Variants in SLC7A14 observed in about 807,000 individuals in gnomAD.
The protein encoded by SLC7A14 is gamma-aminobutyric acid transporter SLC7A14.
In SLC7A14, 37 loss-of-function variants were observed where a neutral mutation model predicts 60.2. That is an observed-to-expected ratio of 0.61 (90% confidence interval 0.47 to 0.81). SLC7A14 has a LOEUF of 0.81. Among genes scored for constraint, SLC7A14 ranks in the 30% least tolerant of loss-of-function variants. SLC7A14 has a pLI of 0.00. For missense variants in SLC7A14, 886 were observed against 982.7 expected (o/e 0.90, Z 1.32); for synonymous variants, 399 against 395.8 (o/e 1.01, Z -0.10).
chr3:170,553,854 T>C (rs1195632273), intron 1 of SLC7A14, among the ~76,000 whole-genome samples: 1 of 152,186 alleles, frequency 6.6e-6, no homozygotes, highest in African/African-American at 2.4e-5. Flanking sequence ...AAAAACTTTT[T>C]TTTTTTTTGG....
chr3:170,571,820 G>C (rs1462016228), intron 1 of SLC7A14, among the ~76,000 whole-genome samples: 1 of 152,068 alleles, frequency 6.6e-6, no homozygotes, highest in Non-Finnish European at 1.5e-5. Context: ...CAGCACTTTG[G>C]GAGGCCAAGG....
intron 2 of SLC7A14, among the ~76,000 whole-genome samples, chr3:170,510,948 C>T (rs1036125331): frequency 2.6e-5 from 4 of 152,202 alleles, no homozygotes; most frequent in Admixed American, 6.5e-5. Flanking sequence ...AATGCCGAGG[C>T]CAGCATCAGC....
At chr3:170,560,611 GA>G (rs1166772728) in intron 1 of SLC7A14, among the ~76,000 whole-genome samples, 7 of 152,118 alleles carry the variant, frequency 4.6e-5, no homozygotes, top group Non-Finnish European at 7.4e-5. Context: ...CGGATGCACA[GA>G]AAAAATAAGC....
At chr3:170,507,483 G>C (rs924783224) in intron 2 of SLC7A14, among the ~76,000 whole-genome samples, 1 of 152,160 alleles carries the variant, frequency 6.6e-6, no homozygotes, top group East Asian at 1.9e-4. Context: ...CTGGGGGAGG[G>C]AGCCTTTTAA....
At chr3:170,540,240 G>A (rs1005128795) in intron 1 of SLC7A14, among the ~76,000 whole-genome samples, 2 of 152,088 alleles carry the variant, frequency 1.3e-5, no homozygotes, top group African/African-American at 2.4e-5. Context: ...ATGACCATGC[G>A]TAACTGAAAC....
intron 1 of SLC7A14, among the ~76,000 whole-genome samples, chr3:170,584,207 G>A (rs566049706): frequency 6.6e-6 from 1 of 152,186 alleles, no homozygotes; most frequent in East Asian, 1.9e-4. Flanking sequence ...TAATATAAAA[G>A]ACTAGCTAAA....
At position 170,480,696 on chromosome 3, in the gene SLC7A14, T is replaced by A; in HGVS notation, c.1586A>T (p.Tyr529Phe). ...GIEADESENI[Y>F]LIKLKKLIGP... ...AATCAGCTTCTTTAACTTGATGAGA[T>A]AAATATTTTCGGATTCATCAGCTTC... Residue 529 changes from tyrosine to phenylalanine, a missense_variant, in exon 7 of 8, where the codon TAT (tyrosine) becomes TTT (phenylalanine). Coordinates refer to ENST00000231706, the MANE Select transcript of SLC7A14 (RefSeq NM_020949.3). 1 of 1,614,226 alleles carries A rather than the reference T, an allele frequency of 6.2e-7. No individual in the cohort carries two copies. Among genetic ancestry groups the A allele is most frequent in the Non-Finnish European group, 8.5e-7 (1 of 1,180,040 alleles).
chr3:170,512,056 C>T (rs578070061), intron 2 of SLC7A14, among the ~76,000 whole-genome samples: 10 of 152,242 alleles, frequency 6.6e-5, no homozygotes, highest in South Asian at 2.1e-4. Context: ...CTCTCCTACC[C>T]GAATATTTCT....
intron 1 of SLC7A14, among the ~76,000 whole-genome samples, chr3:170,531,223 C>A (rs967851141): frequency 1.3e-5 from 2 of 152,090 alleles, no homozygotes; most frequent in African/African-American, 4.8e-5. Flanking sequence ...CAGGAGGCCA[C>A]TACTCTGACA....
rs1712604168 is a variant in SLC7A14 at position 170,501,365 on chromosome 3, A to G, written c.305-20T>C. The G allele has an allele frequency of 6.2e-7, 1 of 1,604,350 alleles. No homozygotes were observed. The highest frequency in any genetic ancestry group is 1.1e-5 in the South Asian group (1 of 90,834). On this transcript the variant is annotated intron_variant, in intron 2 of 7. Transcript: ENST00000231706. ...AGACGCCTGCAAGGGACAGACATAC[A>G]CAGATGGTGGACTTCAGGAGATGAG...
chr3:170,579,178 A>T (rs950594728), intron 1 of SLC7A14, among the ~76,000 whole-genome samples: 2 of 152,214 alleles, frequency 1.3e-5, no homozygotes, highest in Non-Finnish European at 2.9e-5. Context: ...GGGTTCTATA[A>T]TTGCCTGAGA....
intron 2 of SLC7A14, among the ~76,000 whole-genome samples, chr3:170,509,575 C>T (rs901980972): frequency 4.6e-5 from 7 of 151,844 alleles, no homozygotes; most frequent in East Asian, 1.9e-4. Flanking sequence ...TTTGGGAGGC[C>T]GAGGCAGGCA....
intron 1 of SLC7A14, among the ~76,000 whole-genome samples, chr3:170,547,084 G>A (rs1234178834): frequency 6.6e-6 from 1 of 152,050 alleles, no homozygotes; most frequent in Admixed American, 6.5e-5. Flanking sequence ...GGTCTACCTG[G>A]ATGGAGATGT....
At chr3:170,504,566 C>T (rs1240226036) in intron 2 of SLC7A14, among the ~76,000 whole-genome samples, 1 of 152,114 alleles carries the variant, frequency 6.6e-6, no homozygotes, top group Admixed American at 6.5e-5. Flanking sequence ...AGTGATCCTC[C>T]TGCTTCAGCC....
intron 2 of SLC7A14, among the ~76,000 whole-genome samples, chr3:170,515,343 T>C (rs1713123381): frequency 6.7e-6 from 1 of 150,236 alleles, no homozygotes; most frequent in African/African-American, 2.5e-5. Flanking sequence ...TATATATATG[T>C]ATATATATAT....
At chr3:170,500,971 G>A (rs1396184327) in intron 3 of SLC7A14, 138 bp downstream of exon 3, 4 of 740,824 alleles carry the variant, frequency 5.4e-6, no homozygotes, top group African/African-American at 1.7e-5. Context: ...CATAGAGAAA[G>A]AATTACTTTG....
chr3:170,531,805 A>G (rs1713687307), intron 1 of SLC7A14, among the ~76,000 whole-genome samples: 1 of 152,202 alleles, frequency 6.6e-6, no homozygotes, highest in Non-Finnish European at 1.5e-5. Flanking sequence ...CTTCACAGCT[A>G]TAACTAAGGA....
In SLC7A14 at chr3:170,583,684, A is replaced by G. The variant is rs111491469; in HGVS notation, c.-153+2227T>C. On this transcript the variant is annotated intron_variant, in intron 1 of 7. Transcript: ENST00000231706. ...ACAGTATAATTCTAAATATGAAAGT[A>G]CATGTGGACTCTAGTTCTCCAGACT... Among the ~76,000 whole-genome samples the G allele has an allele frequency of 1.6e-3, 250 of 152,374 alleles. 1 individual carries two copies. Among genetic ancestry groups the G allele is most frequent in the African/African-American group, 5.7e-3 (237 of 41,598 alleles).
At chr3:170,567,404 A>G (rs531734457) in intron 1 of SLC7A14, among the ~76,000 whole-genome samples, 1 of 150,212 alleles carries the variant, frequency 6.7e-6, no homozygotes, top group East Asian at 2.0e-4. Context: ...AATCCAGTCT[A>G]TCATTGTTGG....
Sources: gnomAD v4.1 joint callset for allele counts (sites outside exome capture counted in the v4.1 genomes callset) on GRCh38, gnomAD v4.1.1 for gene constraint, MANE v1.5 for transcripts, NCBI Gene and HGNC (gene_info 2026-07-23, HGNC 2026-07-21) for gene names.